Variants in PAM observed in about 807,000 individuals in gnomAD.
PAM encodes peptidyl-glycine alpha-amidating monooxygenase.
In PAM, 72 loss-of-function variants were observed where a neutral mutation model predicts 122.1. The ratio of observed to expected loss-of-function variants is 0.59; its 90% CI spans 0.49 to 0.72. PAM has a LOEUF of 0.72. PAM is among the 30% of genes least tolerant of loss of function. PAM has a pLI of 0.00. For synonymous variants in PAM, 389 were observed against 404.4 expected, an observed-to-expected ratio of 0.96 and a Z score of 0.46; for missense variants, 1,106 against 1,183.7, an observed-to-expected ratio of 0.93 and a Z score of 0.96.
chr5:102,868,552 T>G (rs1422168650), intron 3 of PAM, among the ~76,000 whole-genome samples: 2 of 152,200 alleles, frequency 1.3e-5, no homozygotes, highest in African/African-American at 4.8e-5. Context: ...TTATTTAGTA[T>G]TTAACCGCAA....
intron 7 of PAM, among the ~76,000 whole-genome samples, chr5:102,936,491 T>A (rs1753305205): frequency 6.6e-6 from 1 of 152,106 alleles, no homozygotes; most frequent in Non-Finnish European, 1.5e-5. Context: ...AAACAAAATA[T>A]TATTTCACTA....
chr5:102,937,120 A>G (rs938288447), intron 7 of PAM, among the ~76,000 whole-genome samples: 7 of 152,098 alleles, frequency 4.6e-5, no homozygotes, highest in Admixed American at 2.0e-4. Context: ...CTTTTTCACA[A>G]AATTTGGCAT....
intron 1 of PAM, among the ~76,000 whole-genome samples, chr5:102,804,053 T>C (rs1765590010): frequency 6.6e-6 from 1 of 151,114 alleles, no homozygotes; most frequent in African/African-American, 2.4e-5. Flanking sequence ...GATGGGGAGA[T>C]AGATGTGGAA....
At position 102,866,396 on chromosome 5, in the gene PAM, A is replaced by G. The variant is rs1268409681; in HGVS notation, c.89+112A>G. The G allele has an allele frequency of 5.5e-6, 4 of 725,068 alleles. No homozygotes were observed. In the East Asian group the frequency reaches 1.1e-4, roughly 20 times the overall value. 44.9% of individuals were successfully genotyped at this position (725,068 alleles called of 1,614,324 possible). On this transcript the variant is annotated intron_variant, in intron 2 of 25. Transcript: ENST00000438793. Reference sequence around the variant, plus strand: ...GGGGTTGATGTTCTTTGCTGGAATGACTTGGAATTTTACCACAGTAACTTC... The same window carrying G: ...GGGGTTGATGTTCTTTGCTGGAATGGCTTGGAATTTTACCACAGTAACTTC...
intron 17 of PAM, 146 bp downstream of exon 17, chr5:103,003,295 A>G (rs1777961340): frequency 3.8e-6 from 2 of 530,042 alleles, no homozygotes; most frequent in Admixed American, 3.4e-5. Flanking sequence ...TTCATTTTCT[A>G]CATAGGTGTT....
At chr5:102,806,227 T>G (rs1479402036) in intron 1 of PAM, among the ~76,000 whole-genome samples, 4 of 152,200 alleles carry the variant, frequency 2.6e-5, no homozygotes, top group Non-Finnish European at 5.9e-5. Flanking sequence ...TCTTAAGAGT[T>G]GTTTGAAACA....
chr5:102,870,306 G>A (rs1431686681), intron 3 of PAM, among the ~76,000 whole-genome samples: 1 of 152,008 alleles, frequency 6.6e-6, no homozygotes, highest in Non-Finnish European at 1.5e-5. Flanking sequence ...TCCTTTCTTT[G>A]GAAAACTTGA....
intron 1 of PAM, among the ~76,000 whole-genome samples, chr5:102,848,045 T>C (rs1780381307): frequency 6.6e-6 from 1 of 152,206 alleles, no homozygotes; most frequent in Admixed American, 6.5e-5. Flanking sequence ...GCAGAATATA[T>C]AGAATGATCT....
At chr5:102,814,657 T>C (rs1769139590) in intron 1 of PAM, among the ~76,000 whole-genome samples, 1 of 150,042 alleles carries the variant, frequency 6.7e-6, no homozygotes. Flanking sequence ...AAAGCTATTA[T>C]TGTTTTATTT....
chr5:102,834,294 A>G (rs771298736), intron 1 of PAM, among the ~76,000 whole-genome samples: 11 of 152,164 alleles, frequency 7.2e-5, no homozygotes, highest in Non-Finnish European at 1.5e-4. Flanking sequence ...AGTTTATAAT[A>G]TTATAGTTTA....
At chr5:102,767,873 G>A (rs1416826994) in intron 1 of PAM, among the ~76,000 whole-genome samples, 1 of 152,094 alleles carries the variant, frequency 6.6e-6, no homozygotes, top group Non-Finnish European at 1.5e-5. Context: ...GTAGATGTTG[G>A]AAAATGAGGC....
intron 7 of PAM, among the ~76,000 whole-genome samples, chr5:102,929,867 T>C (rs992273345): frequency 2.6e-4 from 35 of 132,458 alleles, no homozygotes; most frequent in African/African-American, 1.0e-3. Flanking sequence ...TTTTTTGCGA[T>C]TCTTTTTTTT....
At chr5:102,801,770 G>GTTTTTTTTTTTT (rs1378058562) in intron 1 of PAM, among the ~76,000 whole-genome samples, 6 of 140,358 alleles carry the variant, frequency 4.3e-5, no homozygotes, top group African/African-American at 1.4e-4. Flanking sequence ...TAGGGAAAAG[G>GTTTTTTTTTTTT]TATTTTTTTT....
intron 1 of PAM, among the ~76,000 whole-genome samples, chr5:102,801,401 G>A (rs1239462137): frequency 6.6e-6 from 1 of 152,158 alleles, no homozygotes; most frequent in Non-Finnish European, 1.5e-5. Flanking sequence ...GTTTATGTGG[G>A]CTGCATTTGA....
chr5:102,783,765 G>A (rs1399884820), intron 1 of PAM, among the ~76,000 whole-genome samples: 1 of 152,210 alleles, frequency 6.6e-6, no homozygotes, highest in Non-Finnish European at 1.5e-5. Flanking sequence ...AGGGGAAGAT[G>A]AATAGAACCC....
Position 103,017,347 on chromosome 5 carries a change from C to T in PAM, c.2345C>T (p.Pro782Leu), listed in dbSNP as rs753894215. ...TTATTTTGGCAGCACTTTGATATGC[C>T]TCATGATATTGTTGCATCTGAAGAT... Reference protein sequence around the residue: ...FKPVRKHFDMPHDIVASEDGT... With the variant: ...FKPVRKHFDMLHDIVASEDGT... The change falls in exon 22 of 26, where the codon CCT becomes CTT. Residue 782 changes from proline to leucine, a missense_variant. Physicochemically the swap from Pro to Leu is moderately conservative, Grantham distance 98. Coordinates refer to ENST00000438793, the MANE Select transcript of PAM (RefSeq NM_001177306.2). The T allele has an allele frequency of 1.9e-6, 3 of 1,607,830 alleles. No homozygotes were observed. In the Admixed American group the frequency reaches 5.0e-5, roughly 27 times the overall value.
chr5:102,890,511 T>C (rs1360440533), intron 3 of PAM, among the ~76,000 whole-genome samples: 1 of 151,928 alleles, frequency 6.6e-6, no homozygotes, highest in Admixed American at 6.6e-5. Flanking sequence ...TTAAATACAC[T>C]TTATGTTGCT....
chr5:102,806,900 T>C (rs532176651), intron 1 of PAM, among the ~76,000 whole-genome samples: 1 of 152,250 alleles, frequency 6.6e-6, no homozygotes, highest in South Asian at 2.1e-4. Context: ...CATTTTACTA[T>C]TTTTGTAAGC....
chr5:103,028,059 G>A, intron 24 of PAM, 126 bp from the exon 25 acceptor site: 3 of 700,596 alleles, frequency 4.3e-6, no homozygotes, highest in Non-Finnish European at 7.4e-6. Context: ...AATTAGAATT[G>A]CATACAGACA....
Sources: allele counts gnomAD v4.1 joint callset (sites outside exome capture counted in the v4.1 genomes callset), GRCh38; gene constraint gnomAD v4.1.1; transcripts MANE v1.5; gene names NCBI Gene and HGNC (gene_info 2026-07-23, HGNC 2026-07-21).